The following BSN variants were observed in gnomAD, a reference collection of about 807,000 sequenced individuals.
The protein encoded by BSN is bassoon presynaptic cytomatrix protein.
BSN carries 57 observed loss-of-function variants against 264.8 expected under a neutral mutation model. That is an observed-to-expected ratio of 0.22 (90% CI 0.17 to 0.27). The LOEUF (loss-of-function observed/expected upper bound fraction) is 0.27. BSN is among the 10% of genes least tolerant of loss of function. BSN has a pLI of 1.00. For missense variants in BSN, 4,615 were observed against 5,232.5 expected, an observed-to-expected ratio of 0.88 and a Z score of 3.64; for synonymous variants, 2,059 against 2,137.3, an observed-to-expected ratio of 0.96 and a Z score of 1.01.
chr3:49,578,402 A>T (rs2051863450), intron 1 of BSN, among the ~76,000 whole-genome samples: 1 of 120,372 alleles, frequency 8.3e-6, no homozygotes, highest in Admixed American at 1.1e-4. Flanking sequence ...TCTACAACCA[A>T]AGCTACAGTT....
chr3:49,662,111 C>T lies in BSN; in HGVS notation c.10266C>T (p.Tyr3422=). Residue 3422 remains tyrosine, a synonymous_variant, in exon 6 of 12, where the codon TAC becomes TAT. Coordinates refer to ENST00000296452, the MANE Select transcript of BSN (RefSeq NM_003458.4). ...LKKNVYEQQK[Y]YGMSSRDAVE... ...AGAACGTGTATGAGCAGCAAAAATACTATGGGATGTCCAGCCGGGACGCAG... is the reference window on the plus strand; with the variant it reads ...AGAACGTGTATGAGCAGCAAAAATATTATGGGATGTCCAGCCGGGACGCAG... 6.2e-7 allele frequency: 1 copy of T among 1,613,520 alleles called. No individual in the cohort carries two copies. Among genetic ancestry groups the T allele is most frequent in the East Asian group, 2.2e-5 (1 of 44,886 alleles).
intron 1 of BSN, among the ~76,000 whole-genome samples, chr3:49,564,507 A>G (rs951017232): frequency 2.6e-5 from 4 of 152,194 alleles, no homozygotes; most frequent in African/African-American, 7.2e-5. Context: ...TACTTGTTTC[A>G]GGAACCATAC....
intron 1 of BSN, among the ~76,000 whole-genome samples, chr3:49,559,622 C>T (rs55873331): frequency 0.07 from 10,675 of 152,272 alleles, 511 homozygotes; most frequent in Middle Eastern, 0.1. Context: ...AGGGTCTACA[C>T]ATTGAATTTG....
chr3:49,585,780 T>G lies in BSN; in HGVS notation c.224+30954T>G, dbSNP rs2051932768. Among the ~76,000 whole-genome samples, 1 of 152,244 alleles carries G rather than the reference T, an allele frequency of 6.6e-6. No individual in the cohort carries two copies. The highest frequency in any genetic ancestry group is 2.4e-5 in the African/African-American group (1 of 41,478). On this transcript the variant is annotated intron_variant, in intron 1 of 11. Coordinates refer to ENST00000296452, the MANE Select transcript of BSN (RefSeq NM_003458.4). The surrounding 1 kb of genome is among the most constrained non-coding windows in gnomAD (Gnocchi z 4.7). Reference sequence around the variant, plus strand: ...CCAGCATTTGTTATTGCCTGTCTTTTGGATAAAAGCCATTTTAACTGGGGT... The same window carrying G: ...CCAGCATTTGTTATTGCCTGTCTTTGGGATAAAAGCCATTTTAACTGGGGT...
At chr3:49,583,394 A>G (rs1434101038) in intron 1 of BSN, among the ~76,000 whole-genome samples, 3 of 152,336 alleles carry the variant, frequency 2.0e-5, no homozygotes, top group South Asian at 2.1e-4. Context: ...GGATGTTTGC[A>G]TCTCTTTTCA....
chr3:49,666,211 G>T (rs554477339), intron 11 of BSN, among the ~76,000 whole-genome samples: 7 of 152,240 alleles, frequency 4.6e-5, no homozygotes, highest in African/African-American at 1.7e-4. Flanking sequence ...CAGTGAGCAG[G>T]TCACTTCAAG....
chr3:49,652,541 T>C lies in BSN; in HGVS notation c.2985T>C (p.Ser995=). The C allele has an allele frequency of 6.2e-7, 1 of 1,613,498 alleles. No individual in the cohort carries two copies. The highest frequency in any genetic ancestry group is 2.2e-5 in the East Asian group (1 of 44,846). The change falls in exon 5 of 12, where the codon TCT becomes TCC. Residue 995 remains serine (S), a synonymous_variant. Coordinates refer to ENST00000296452, the MANE Select transcript of BSN (RefSeq NM_003458.4). ...CACCCAGCTACACCTCGGGCACCTC[T>C]CCCACCTCTCTGTCCTCCCTAGAGG... ...ASTPSYTSGT[S]PTSLSSLEED... is the part of the protein sequence containing the mutation.
intron 2 of BSN, among the ~76,000 whole-genome samples, chr3:49,635,254 A>G (rs979760620): frequency 1.3e-5 from 2 of 152,172 alleles, no homozygotes; most frequent in African/African-American, 4.8e-5. Flanking sequence ...GTGGACAGAG[A>G]GAAGAGGTGT....
At chr3:49,578,888 G>A (rs1293662412) in intron 1 of BSN, among the ~76,000 whole-genome samples, 1 of 152,150 alleles carries the variant, frequency 6.6e-6, no homozygotes, top group Non-Finnish European at 1.5e-5. Flanking sequence ...TGCAATGTGT[G>A]TTTTGGGGGT....
intron 1 of BSN, among the ~76,000 whole-genome samples, chr3:49,594,070 G>A (rs1177463256): frequency 6.6e-6 from 1 of 152,074 alleles, no homozygotes; most frequent in African/African-American, 2.4e-5. Context: ...GGGATTACAG[G>A]CGTGAGCCAC....
chr3:49,609,702 A>G lies in BSN; in HGVS notation c.225-15273A>G, dbSNP rs138695272. Among the ~76,000 whole-genome samples, 186 of 152,298 alleles carry G rather than the reference A, an allele frequency of 1.2e-3. 1 individual carries two copies. The highest frequency in any genetic ancestry group is 0.01 in the Middle Eastern group (3 of 294). ...GGTATGAGCGTTCACACATGTGACT[A>G]TGATTGTGGCAGCTACCACAGGAAA... On this transcript the variant is annotated intron_variant, in intron 1 of 11. Coordinates refer to ENST00000296452, the MANE Select transcript of BSN (RefSeq NM_003458.4).
rs1481505612 is a variant in BSN at position 49,669,995 on chromosome 3, C to T, written c.*2510C>T. The T allele has an allele frequency of 7.3e-6, 1 of 136,510 alleles. No individual in the cohort carries two copies. Among genetic ancestry groups the T allele is most frequent in the Non-Finnish European group, 1.6e-5 (1 of 61,338 alleles). 8.5% of individuals were successfully genotyped at this position (136,510 alleles called of 1,614,324 possible). A position where few individuals can be genotyped will look rare whatever the true frequency, so the allele number is the denominator to read the frequency against. ...GCATTTCTCAGGGGTCCGCATTTCT[C>T]ATGCTTTTCTATAAGATCTACACAC... On this transcript the variant is annotated 3_prime_UTR_variant, in exon 12 of 12. Transcript: ENST00000296452.
chr3:49,566,554 A>T (rs1195398892), intron 1 of BSN, among the ~76,000 whole-genome samples: 1 of 152,054 alleles, frequency 6.6e-6, no homozygotes, highest in Non-Finnish European at 1.5e-5. Flanking sequence ...GGAAGCTGGG[A>T]TGGGCAGATT....
chr3:49,575,567 C>T (rs115458070), intron 1 of BSN, among the ~76,000 whole-genome samples: 3,506 of 139,226 alleles, frequency 0.025, 154 homozygotes, highest in African/African-American at 0.089. Context: ...AATATATATG[C>T]GTATATATAT....
chr3:49,655,197 G>C lies in BSN; in HGVS notation c.5641G>C (p.Glu1881Gln). The C allele has an allele frequency of 6.2e-7, 1 of 1,613,000 alleles. No individual in the cohort carries two copies. ...TAGTVTTLLP[E>Q]EPAGALDLTG... ...AGGCACTGTGACCACACTGCTCCCA[G>C]AGGAGCCTGCGGGTGCCCTGGACCT... The change falls in exon 5 of 12, where the codon GAG (glutamate) becomes CAG (glutamine). Residue 1881 changes from glutamate to glutamine, a missense_variant. Transcript: ENST00000296452.
At chr3:49,620,823 A>G (rs1406661686) in intron 1 of BSN, among the ~76,000 whole-genome samples, 2 of 152,160 alleles carry the variant, frequency 1.3e-5, no homozygotes, top group African/African-American at 4.8e-5. Context: ...CGACTCTACT[A>G]AAAATACAAA....
At chr3:49,599,330 G>T (rs912756397) in intron 1 of BSN, among the ~76,000 whole-genome samples, 1 of 152,264 alleles carries the variant, frequency 6.6e-6, no homozygotes, top group East Asian at 1.9e-4. Flanking sequence ...ACCCCAAGAG[G>T]TATCTTCTTG....
At chr3:49,598,755 C>T (rs1051310996) in intron 1 of BSN, among the ~76,000 whole-genome samples, 1 of 152,138 alleles carries the variant, frequency 6.6e-6, no homozygotes, top group Non-Finnish European at 1.5e-5. Flanking sequence ...CCCCATAAAA[C>T]TGTGTACGAA....
rs774101591 is a variant in BSN, at chr3:49,664,392, T to C, written c.11609-31T>C. ...AGACCCTAAAGAGCCAGGCCGTGCA[T>C]AGCTCATTATGGCGATTTCTTTCCT... On this transcript the variant is annotated intron_variant, in intron 8 of 11. Coordinates refer to ENST00000296452, the MANE Select transcript of BSN (RefSeq NM_003458.4). 3 of 1,613,692 alleles carry C rather than the reference T, an allele frequency of 1.9e-6. 1 individual carries two copies. The South Asian group carries it at 3.3e-5, about 18-fold the overall frequency.
Sources: allele counts gnomAD v4.1 joint callset (sites outside exome capture counted in the v4.1 genomes callset), GRCh38; gene constraint gnomAD v4.1.1; non-coding constraint Gnocchi (gnomAD v3.1); transcripts MANE v1.5; gene names NCBI Gene and HGNC (gene_info 2026-07-23, HGNC 2026-07-21).